Variants in PABIR3 observed in about 807,000 individuals in gnomAD.
PABIR3 encodes PABIR family member 3.
A neutral mutation model predicts 23.1 loss-of-function variants in PABIR3; 20 were observed. The observed-to-expected ratio is 0.86, with a 90% CI of 0.61 to 1.26. The LOEUF (loss-of-function observed/expected upper bound fraction) is 1.26, where lower values mean the gene tolerates loss of function less well. Among genes scored for constraint, PABIR3 ranks in the 50% most tolerant of loss-of-function variants. The pLI is 0.00. For synonymous variants in PABIR3, 69 were observed against 68.5 expected, an observed-to-expected ratio of 1.01 and a Z score of -0.04; for missense variants, 189 against 195.4, an observed-to-expected ratio of 0.97 and a Z score of 0.20.
At chrX:134,825,347 T>C (rs769307936) in intron 3 of PABIR3, among the ~76,000 whole-genome samples, 1 of 111,869 alleles carries the variant, frequency 8.9e-6, no homozygotes, top group East Asian at 2.8e-4. Flanking sequence ...TTACCATTTA[T>C]TTAGCACAAA....
intron 3 of PABIR3, among the ~76,000 whole-genome samples, chrX:134,821,089 T>G (rs1263447598): frequency 1.3e-5 from 1 of 74,505 alleles, no homozygotes; most frequent in Non-Finnish European, 2.2e-5. Flanking sequence ...TGTGTGTGTG[T>G]ATATATATAT....
intron 9 of PABIR3, among the ~76,000 whole-genome samples, 185 bp from the exon 10 acceptor site, chrX:134,852,615 T>C (rs2082675137): frequency 9.0e-6 from 1 of 111,695 alleles, no homozygotes; most frequent in South Asian, 3.7e-4. Context: ...AACAATTGTG[T>C]ATACAACATA....
intron 8 of PABIR3, 127 bp downstream of exon 8, chrX:134,848,098 G>A: frequency 1.6e-6 from 1 of 614,787 alleles, no homozygotes; most frequent in South Asian, 3.0e-5. Flanking sequence ...AAATTAAAAT[G>A]TCATTGTTTC....
intron 10 of PABIR3, 137 bp from the exon 11 acceptor site, chrX:134,853,954 T>G: frequency 1.6e-6 from 1 of 608,415 alleles, no homozygotes; most frequent in East Asian, 3.4e-5. Context: ...GGTTTCATTG[T>G]ATGACTCTTA....
At chrX:134,821,027 A>AATATATATATACACATATATATGTAT (rs2081249233) in intron 3 of PABIR3, among the ~76,000 whole-genome samples, 2 of 103,527 alleles carry the variant, frequency 1.9e-5, no homozygotes, top group African/African-American at 7.0e-5. Flanking sequence ...ATATGAAAAA[A>AATATATATATACACATATATATGTAT]ATATATATAT....
At chrX:134,846,705 T>G (rs2082449503) in intron 6 of PABIR3, among the ~76,000 whole-genome samples, 1 of 111,962 alleles carries the variant, frequency 8.9e-6, no homozygotes, top group Admixed American at 9.6e-5. Context: ...GGAGAATGAG[T>G]AGGTCATCTC....
At chrX:134,804,497 T>C (rs976329385), upstream of PABIR3, among the ~76,000 whole-genome samples, 3 of 111,719 alleles carry the variant, frequency 2.7e-5, no homozygotes, top group South Asian at 1.1e-3. Flanking sequence ...TACCATCTCA[T>C]ATATTTAGTT....
upstream of PABIR3, among the ~76,000 whole-genome samples, chrX:134,805,125 CAT>C (rs2080173060): frequency 8.9e-6 from 1 of 112,131 alleles, no homozygotes; most frequent in Admixed American, 9.5e-5. Context: ...TATTCTGAGG[CAT>C]CTCATTTTTT....
At chrX:134,848,118 C>A in intron 8 of PABIR3, 147 bp downstream of exon 8, 1 of 507,091 alleles carries the variant, frequency 2.0e-6, no homozygotes, top group Non-Finnish European at 3.1e-6. Context: ...CGGCTGGGCA[C>A]GGTGGCTCCT....
At chrX:134,842,158 T>A (rs185622724) in intron 4 of PABIR3, among the ~76,000 whole-genome samples, 107 of 112,216 alleles carry the variant, frequency 9.5e-4, no homozygotes, top group African/African-American at 3.4e-3. Flanking sequence ...TCTTTACTCA[T>A]ATTTTAATTG....
intron 2 of PABIR3, among the ~76,000 whole-genome samples, chrX:134,808,672 G>A (rs1431430682): frequency 8.9e-6 from 1 of 111,920 alleles, no homozygotes; most frequent in East Asian, 2.8e-4. Context: ...AAGCCACCGT[G>A]CCCGGCCTAA....
Position 134,807,268 on chromosome X carries a change from C to G in PABIR3, c.-133C>G. ...GCCGGAAAGGCTTACCATGAGTTGC[C>G]AGGGCTGAGAGAGATGGAGAAGGAT... is the stretch of plus-strand genomic sequence containing the variant. On this transcript the variant is annotated 5_prime_UTR_variant, in exon 1 of 11. Transcript: ENST00000645433. The G allele has an allele frequency of 1.1e-6, 1 of 907,882 alleles. No individual in the cohort carries two copies. Among genetic ancestry groups the G allele is most frequent in the Non-Finnish European group, 1.4e-6 (1 of 736,859 alleles). The allele number at this position is 907,882 out of a possible 1,213,427, so 74.8% of individuals were successfully genotyped here.
chrX:134,839,119 G>A (rs1411159714), intron 4 of PABIR3: 16 of 124,841 alleles, frequency 1.3e-4, no homozygotes, highest in Middle Eastern at 4.1e-3. Flanking sequence ...CCGCCACCCC[G>A]TCTGGGAAGT....
chrX:134,860,470 G>T, the PABIR3 span, among the ~76,000 whole-genome samples: 1 of 111,511 alleles, frequency 9.0e-6, no homozygotes, highest in South Asian at 3.7e-4. Context: ...CAAGGCTGTT[G>T]AGAGTGGGGA....
At chrX:134,828,047 C>CTCTCTCTCTATATATATA (rs1466733144) in intron 3 of PABIR3, among the ~76,000 whole-genome samples, 1 of 49,409 alleles carries the variant, frequency 2.0e-5, no homozygotes, top group African/African-American at 8.2e-5. Context: ...CTCTCTCTCT[C>CTCTCTCTCTATATATATA]TATATATATA....
intron 2 of PABIR3, chrX:134,809,167 CTTT>C (rs762558459): frequency 1.3e-3 from 170 of 127,303 alleles, no homozygotes; most frequent in South Asian, 1.8e-3. Flanking sequence ...ATCTTGTTTC[CTTT>C]TTTTTTTTTT....
chrX:134,825,303 A>G (rs953256602), intron 3 of PABIR3, among the ~76,000 whole-genome samples: 1 of 111,914 alleles, frequency 8.9e-6, no homozygotes, highest in Admixed American at 9.5e-5. Context: ...AGAGTGTTTG[A>G]TGATGGTAGT....
intron 6 of PABIR3, 29 bp from the exon 7 acceptor site, chrX:134,847,354 C>T (rs909688913): frequency 9.0e-7 from 1 of 1,115,189 alleles, no homozygotes; most frequent in African/African-American, 1.8e-5. Context: ...ATTGGTGCTA[C>T]AATTGTACAC....
chrX:134,832,178 G>A (rs2081813505), intron 4 of PABIR3, among the ~76,000 whole-genome samples: 1 of 109,043 alleles, frequency 9.2e-6, no homozygotes, highest in South Asian at 4.1e-4. Flanking sequence ...AGGAGGCTGA[G>A]GCTAAAGAAT....
Sources: allele counts gnomAD v4.1 joint callset (sites outside exome capture counted in the v4.1 genomes callset), GRCh38; gene constraint gnomAD v4.1.1; transcripts MANE v1.5; gene names NCBI Gene and HGNC (gene_info 2026-07-23, HGNC 2026-07-21).